Variants in LCLAT1 observed in about 807,000 individuals in gnomAD.
The protein encoded by LCLAT1 is lysocardiolipin acyltransferase 1.
Under a neutral mutation model 30.7 loss-of-function variants are expected in LCLAT1, and 11 were observed. The observed-to-expected ratio is 0.36, with a 90% CI of 0.23 to 0.59. The LOEUF (loss-of-function observed/expected upper bound fraction) is 0.59, where lower values mean the gene tolerates loss of function less well. Ranked by LOEUF, LCLAT1 falls within the 20% of genes least tolerant of loss-of-function variation. LCLAT1 has a pLI of 0.77. For missense variants in LCLAT1, 402 were observed against 458.6 expected (o/e 0.88, Z 1.13); for synonymous variants, 155 against 151.3 (o/e 1.02, Z -0.18).
At chr2:30,496,828 C>T (rs1211436570) in intron 1 of LCLAT1, among the ~76,000 whole-genome samples, 6 of 152,174 alleles carry the variant, frequency 3.9e-5, no homozygotes, top group Admixed American at 2.0e-4. Context: ...ACTGTGCTTT[C>T]TTCAGCCCTG....
At chr2:30,619,462 T>C (rs999417700) in intron 5 of LCLAT1, among the ~76,000 whole-genome samples, 5 of 152,188 alleles carry the variant, frequency 3.3e-5, no homozygotes, top group African/African-American at 1.2e-4. Flanking sequence ...TTCCATCTTA[T>C]CCCACCAATA....
In LCLAT1 at chr2:30,638,141, A is replaced by G. The variant is rs143438930; in HGVS notation, c.629-1976A>G. Among the ~76,000 whole-genome samples, 1,142 of 152,332 alleles carry G rather than the reference A, an allele frequency of 7.5e-3. 16 individuals carry two copies. Among genetic ancestry groups the G allele is most frequent in the Middle Eastern group, 0.014 (4 of 294 alleles). On this transcript the variant is annotated intron_variant, in intron 5 of 5. Transcript: ENST00000379509. The stretch of plus-strand genomic sequence containing the variant: ...CAAATTGAAGCCTGGTTCTTACCCT[A>G]AAGTAAATCACAGAGTAATGGAGAC...
intron 1 of LCLAT1, 90 bp from the exon 2 acceptor site, chr2:30,525,497 T>C (rs537157734): frequency 1.0e-6 from 1 of 997,136 alleles, no homozygotes; most frequent in South Asian, 1.5e-5. Flanking sequence ...GCCCTAAAAT[T>C]AGTGATCATT....
intron 1 of LCLAT1, among the ~76,000 whole-genome samples, chr2:30,467,499 T>G (rs1456538045): frequency 2.0e-5 from 3 of 149,746 alleles, no homozygotes; most frequent in Non-Finnish European, 4.5e-5. Flanking sequence ...TGTAGATCCT[T>G]GAGGAATCGC....
chr2:30,454,411 G>A (rs962395455), intron 1 of LCLAT1, among the ~76,000 whole-genome samples: 3 of 152,078 alleles, frequency 2.0e-5, no homozygotes, highest in African/African-American at 7.2e-5. Flanking sequence ...ACTTCTTAAT[G>A]AGAGTAACTG....
intron 1 of LCLAT1, among the ~76,000 whole-genome samples, chr2:30,504,691 C>T: frequency 6.6e-6 from 1 of 152,068 alleles, no homozygotes; most frequent in East Asian, 1.9e-4. Flanking sequence ...ACTTCTTTTT[C>T]CTCTCCCCTT....
chr2:30,469,363 A>G (rs1682645832), intron 1 of LCLAT1, among the ~76,000 whole-genome samples: 1 of 151,842 alleles, frequency 6.6e-6, no homozygotes, highest in South Asian at 2.1e-4. Context: ...AGAATTTTAT[A>G]GTTTTATCTT....
intron 5 of LCLAT1, among the ~76,000 whole-genome samples, chr2:30,575,670 C>T (rs191569796): frequency 3.3e-5 from 5 of 152,120 alleles, no homozygotes; most frequent in Admixed American, 6.6e-5. Flanking sequence ...ATTATGTATA[C>T]TACTGGAAGA....
At chr2:30,448,417 A>G (rs971767206) in intron 1 of LCLAT1, among the ~76,000 whole-genome samples, 2 of 152,214 alleles carry the variant, frequency 1.3e-5, no homozygotes, top group Admixed American at 1.3e-4. Flanking sequence ...TCTGTTGCAC[A>G]TTGTACTTTG....
intron 1 of LCLAT1, among the ~76,000 whole-genome samples, chr2:30,471,599 C>A (rs964817992): frequency 1.3e-5 from 2 of 152,170 alleles, no homozygotes; most frequent in African/African-American, 2.4e-5. Context: ...TTCAAAGTGT[C>A]TTTTACCTCC....
intron 1 of LCLAT1, among the ~76,000 whole-genome samples, chr2:30,508,177 A>G (rs1459079632): frequency 6.6e-6 from 1 of 152,140 alleles, no homozygotes; most frequent in African/African-American, 2.4e-5. Context: ...GATGCTGGAT[A>G]TTAGACCTTT....
In LCLAT1 at chr2:30,640,573, G is replaced by A. The variant is rs183125454; in HGVS notation, c.1085G>A (p.Arg362Gln). 6.7e-5 allele frequency: 108 copies of A among 1,612,516 alleles called. 1 individual carries two copies. In the East Asian group the frequency reaches 2.3e-3, roughly 34 times the overall value. Residue 362 changes from arginine to glutamine, a missense_variant, in exon 6 of 6, where the codon CGA (arginine) becomes CAA (glutamine). Transcript: ENST00000379509. Reference sequence around the variant, plus strand: ...GAGATCATAGAACTTGCATGTTACCGACTTTTACACAAACAGCCACATTTA... The same window carrying A: ...GAGATCATAGAACTTGCATGTTACCAACTTTTACACAAACAGCCACATTTA... ...GLEIIELACY[R>Q]LLHKQPHLNS...
intron 1 of LCLAT1, among the ~76,000 whole-genome samples, chr2:30,492,752 G>T (rs1164073790): frequency 6.6e-6 from 1 of 152,090 alleles, no homozygotes; most frequent in African/African-American, 2.4e-5. Context: ...AAAATCTAGT[G>T]CATGAAATTG....
At chr2:30,526,487 T>C (rs1026454260) in intron 2 of LCLAT1, among the ~76,000 whole-genome samples, 1 of 152,214 alleles carries the variant, frequency 6.6e-6, no homozygotes, top group East Asian at 1.9e-4. Flanking sequence ...TCTGTTACTT[T>C]CTTGAGATTT....
At chr2:30,530,402 C>G (rs947122992) in intron 2 of LCLAT1, among the ~76,000 whole-genome samples, 5 of 152,208 alleles carry the variant, frequency 3.3e-5, no homozygotes, top group Non-Finnish European at 5.9e-5. Flanking sequence ...TATGTCTCAT[C>G]TGGTATTACA....
chr2:30,628,897 A>G (rs1668637711), intron 5 of LCLAT1, among the ~76,000 whole-genome samples: 1 of 152,216 alleles, frequency 6.6e-6, no homozygotes, highest in Non-Finnish European at 1.5e-5. Context: ...TTTCTTGACT[A>G]GACACACACA....
chr2:30,548,213 A>T (rs1356489487), intron 3 of LCLAT1, among the ~76,000 whole-genome samples: 1 of 152,092 alleles, frequency 6.6e-6, no homozygotes, highest in Admixed American at 6.6e-5. Flanking sequence ...TGTTGACGAA[A>T]AGAATCGAAC....
At chr2:30,538,830 G>A (rs908509545) in intron 3 of LCLAT1, among the ~76,000 whole-genome samples, 3 of 151,864 alleles carry the variant, frequency 2.0e-5, no homozygotes, top group Non-Finnish European at 4.4e-5. Context: ...ATTGAAATAG[G>A]GAAAAACAGA....
At chr2:30,488,130 C>T (rs2148322208) in intron 1 of LCLAT1, among the ~76,000 whole-genome samples, 1 of 152,318 alleles carries the variant, frequency 6.6e-6, no homozygotes, top group Non-Finnish European at 1.5e-5. Context: ...ACCCTGTTTT[C>T]CTTACTGCTC....
Sources: allele counts gnomAD v4.1 joint callset (sites outside exome capture counted in the v4.1 genomes callset), GRCh38; gene constraint gnomAD v4.1.1; transcripts MANE v1.5; gene names NCBI Gene and HGNC (gene_info 2026-07-23, HGNC 2026-07-21).